The following RNFT2 variants were observed in gnomAD, a reference collection of about 807,000 sequenced individuals.
RNFT2 encodes E3 ubiquitin-protein ligase RNFT2.
In RNFT2, 36 loss-of-function variants were observed where a neutral mutation model predicts 53.0. The ratio of observed to expected loss-of-function variants is 0.68; its 90% CI spans 0.52 to 0.90. The LOEUF is 0.90. Among genes scored for constraint, RNFT2 ranks in the 40% least tolerant of loss-of-function variants. The probability of loss-of-function intolerance (pLI) is 0.00; values close to 1 mark genes in which losing one functional copy is unlikely to be tolerated. For missense variants in RNFT2, 514 were observed against 585.6 expected (o/e 0.88, Z 1.26); for synonymous variants, 260 against 253.2 (o/e 1.03, Z -0.26).
chr12:116,821,546 T>C (rs115900725), intron 7 of RNFT2, among the ~76,000 whole-genome samples: 3,034 of 152,276 alleles, frequency 0.02, 105 homozygotes, highest in African/African-American at 0.069. Flanking sequence ...GGCCGCCCAC[T>C]TGGGAGCAGG....
intron 7 of RNFT2, among the ~76,000 whole-genome samples, chr12:116,825,751 G>A (rs1238314708): frequency 6.6e-6 from 1 of 152,082 alleles, no homozygotes; most frequent in African/African-American, 2.4e-5. Context: ...CTATATGTAT[G>A]TGTGTATGTA....
At chr12:116,788,955 GGGAT>G (rs10579273) in intron 7 of RNFT2, among the ~76,000 whole-genome samples, 118,317 of 137,796 alleles carry the variant, frequency 0.86, 51,634 homozygotes, top group Non-Finnish European at 0.94. Context: ...TGGGAGGAGA[GGGAT>G]GGATGGATGG....
In RNFT2 at chr12:116,749,860, A is replaced by G. The variant is rs2137071694; in HGVS notation, c.103A>G (p.Ser35Gly). ...PPERNRSQAL[S>G]SEASVDEGGV... ...ACCCAGAAACCGCAGCCAGGCGCTC[A>G]GCTCCGAGGCGAGTGTGGATGAAGG... The change falls in exon 4 of 11, where the codon AGC becomes GGC. Residue 35 changes from serine (S) to glycine (G), a missense_variant. Ser to Gly is a moderately conservative substitution (Grantham distance 56). Around this residue, in one of 3 missense-constraint regions of RNFT2, gnomAD observed 237 missense variants for 235.1 expected, o/e 1.01. Coordinates refer to ENST00000257575, the MANE Select transcript of RNFT2 (RefSeq NM_001382266.1). 1 of 1,581,810 alleles carries G rather than the reference A, an allele frequency of 6.3e-7. No homozygotes were observed.
chr12:116,850,495 T>C lies in RNFT2; in HGVS notation c.*1047T>C, dbSNP rs1199804323. ...CCACCTGCTGGTTATTTTAACTTAG[T>C]ACCTAGTACCTAGGACTTGATGGTG... On this transcript the variant is annotated 3_prime_UTR_variant, in exon 11 of 11. Coordinates refer to ENST00000257575, the MANE Select transcript of RNFT2 (RefSeq NM_001382266.1). The C allele has an allele frequency of 6.6e-6, 1 of 152,062 alleles. No homozygotes were observed. The highest frequency in any genetic ancestry group is 1.5e-5 in the Non-Finnish European group (1 of 68,066). The allele number at this position is 152,062 out of a possible 1,614,324, so 9.4% of individuals were successfully genotyped here. A position where few individuals can be genotyped will look rare whatever the true frequency, so the allele number is the denominator to read the frequency against.
chr12:116,745,788 T>C (rs1871864437), intron 3 of RNFT2, among the ~76,000 whole-genome samples: 1 of 152,340 alleles, frequency 6.6e-6, no homozygotes, highest in South Asian at 2.1e-4. Context: ...CATGTATTCT[T>C]TCAAACACTT....
intron 7 of RNFT2, among the ~76,000 whole-genome samples, chr12:116,824,015 T>G (rs1274376618): frequency 6.6e-6 from 1 of 152,126 alleles, no homozygotes; most frequent in African/African-American, 2.4e-5. Context: ...AAGTCCATGC[T>G]CTTTGCCATT....
At chr12:116,828,197 T>C (rs1404340920) in intron 7 of RNFT2, among the ~76,000 whole-genome samples, 1 of 152,200 alleles carries the variant, frequency 6.6e-6, no homozygotes, top group African/African-American at 2.4e-5. Context: ...TGCCCTCATT[T>C]CTTCACCAGC....
In RNFT2 at chr12:116,850,958, T is replaced by C. The variant is rs997426861; in HGVS notation, c.*1510T>C. 2 of 152,176 alleles carry C rather than the reference T, an allele frequency of 1.3e-5. No individual in the cohort carries two copies. The highest frequency in any genetic ancestry group is 4.8e-5 in the African/African-American group (2 of 41,430). 9.4% of individuals were successfully genotyped at this position (152,176 alleles called of 1,614,324 possible). On this transcript the variant is annotated 3_prime_UTR_variant, in exon 11 of 11. Coordinates refer to ENST00000257575, the MANE Select transcript of RNFT2 (RefSeq NM_001382266.1). ...CAAAGTATTTTCAAAATACAGTTGT[T>C]GGGCCCCACCATATACCTGTAATGA...
intron 4 of RNFT2, among the ~76,000 whole-genome samples, chr12:116,750,808 TAA>T (rs1491467639): frequency 8.2e-5 from 2 of 24,284 alleles, no homozygotes; most frequent in African/African-American, 3.4e-4. Context: ...TATATATATA[TAA>T]TATATATATT....
Position 116,780,471 on chromosome 12 carries a change from C to T in RNFT2, c.882+1123C>T, listed in dbSNP as rs895674426. 3.9e-5 allele frequency among the ~76,000 whole-genome samples: 6 copies of T among 152,158 alleles called. No homozygotes were observed. The South Asian group carries it at 1.0e-3, about 26-fold the overall frequency. ...GATCTGATGGGAGGCGGAGCTCAGG[C>T]GGTAATGCTTGCTCACCCACTGCTC... On this transcript the variant is annotated intron_variant, in intron 7 of 10. Transcript: ENST00000257575.
chr12:116,744,538 A>G (rs1469959656), intron 3 of RNFT2, among the ~76,000 whole-genome samples: 1 of 152,208 alleles, frequency 6.6e-6, no homozygotes, highest in African/African-American at 2.4e-5. Flanking sequence ...GCCAGGAAGT[A>G]GCAGGGCTGA....
At chr12:116,776,786 A>G (rs1439056496) in intron 6 of RNFT2, among the ~76,000 whole-genome samples, 2 of 152,130 alleles carry the variant, frequency 1.3e-5, no homozygotes, top group East Asian at 3.9e-4. Flanking sequence ...CCTGTAATCC[A>G]GTGGGAAGAA....
intron 7 of RNFT2, among the ~76,000 whole-genome samples, chr12:116,826,164 C>T (rs1565871449): frequency 6.6e-6 from 1 of 152,116 alleles, no homozygotes. Flanking sequence ...TTCTCAGCAT[C>T]CTACTCTCCT....
intron 3 of RNFT2, among the ~76,000 whole-genome samples, chr12:116,749,253 T>C (rs116024945): frequency 0.014 from 2,090 of 149,048 alleles, 57 homozygotes; most frequent in African/African-American, 0.048. Flanking sequence ...CTACTCTCTG[T>C]ACCTGTGTCC....
At chr12:116,761,393 A>G (rs1158197136) in intron 5 of RNFT2, among the ~76,000 whole-genome samples, 1 of 152,006 alleles carries the variant, frequency 6.6e-6, no homozygotes, top group Non-Finnish European at 1.5e-5. Context: ...GGTAATCCGC[A>G]CACCTTGGCC....
intron 7 of RNFT2, among the ~76,000 whole-genome samples, chr12:116,811,121 T>C (rs2137165753): frequency 6.6e-6 from 1 of 152,214 alleles, no homozygotes. Context: ...CCACCAGGCA[T>C]GATGGCTCAC....
At chr12:116,768,728 TTCTC>T (rs745642693) in intron 6 of RNFT2, among the ~76,000 whole-genome samples, 8 of 148,626 alleles carry the variant, frequency 5.4e-5, no homozygotes, top group African/African-American at 1.8e-4. Flanking sequence ...TTTTTTATTT[TTCTC>T]TCTCTTTTTT....
At chr12:116,766,957 C>G (rs1165386222) in intron 6 of RNFT2, 43 bp downstream of exon 6, 2 of 1,371,450 alleles carry the variant, frequency 1.5e-6, no homozygotes, top group Admixed American at 2.0e-5. Context: ...GAGTGGGGCA[C>G]TTGGCTGGGC....
chr12:116,853,093 G>A lies in RNFT2; in HGVS notation c.*3645G>A, dbSNP rs1171991530. 2.4e-6 allele frequency: 1 copy of A among 423,808 alleles called. No homozygotes were observed. The highest frequency in any genetic ancestry group is 2.0e-5 in the African/African-American group (1 of 48,884). The allele number at this position is 423,808 out of a possible 1,614,324, so 26.3% of individuals were successfully genotyped here. A position where few individuals can be genotyped will look rare whatever the true frequency, so the allele number is the denominator to read the frequency against. ...TCTGAGGTTTTCTTCTCGGTGGGGG[G>A]ATTTAACTTCTGTCCTAGGGAAAAC... On this transcript the variant is annotated 3_prime_UTR_variant, in exon 11 of 11. Transcript: ENST00000257575.
Sources: gnomAD v4.1 joint callset for allele counts (sites outside exome capture counted in the v4.1 genomes callset) on GRCh38, gnomAD v4.1.1 for gene constraint, gnomAD v4.1.1 regional missense constraint, MANE v1.5 for transcripts, NCBI Gene and HGNC (gene_info 2026-07-23, HGNC 2026-07-21) for gene names.